The following ANK3 variants were observed in gnomAD, a reference collection of about 807,000 sequenced individuals.
ANK3 encodes ankyrin-3.
In ANK3, 57 loss-of-function variants were observed where a neutral mutation model predicts 370.9. That is an observed-to-expected ratio of 0.15 (90% CI 0.12 to 0.19). ANK3 has a LOEUF of 0.19. Ranked by LOEUF, ANK3 falls within the 10% of genes least tolerant of loss-of-function variation. ANK3 has a pLI of 1.00. For synonymous variants in ANK3, 1,929 were observed against 1,946.3 expected (o/e 0.99, Z 0.23); for missense variants, 4,439 against 5,302.1 (o/e 0.84, Z 5.06).
In ANK3 at chr10:60,477,815, T is replaced by C. The variant is rs533601144; in HGVS notation, c.96+137371A>G. Among the ~76,000 whole-genome samples the C allele has an allele frequency of 1.9e-4, 29 of 152,170 alleles. 1 individual carries two copies. Among genetic ancestry groups the C allele is most frequent in the African/African-American group, 7.0e-4 (29 of 41,546 alleles). On this transcript the variant is annotated intron_variant, in intron 2 of 43. Transcript: ENST00000373827. ...TAAAAAACATTTACCAAAAACCTAA[T>C]TGTATATCCCTGTTCTTTCCACAGT... is the stretch of plus-strand genomic sequence containing the variant.
chr10:60,646,069 G>A (rs2078705708), intron 1 of ANK3, among the ~76,000 whole-genome samples: 1 of 152,118 alleles, frequency 6.6e-6, no homozygotes, highest in Non-Finnish European at 1.5e-5. Flanking sequence ...AACTGACACT[G>A]GGTTGGGGGC....
intron 2 of ANK3, among the ~76,000 whole-genome samples, chr10:60,525,838 T>C (rs1027410801): frequency 2.0e-5 from 3 of 152,114 alleles, no homozygotes; most frequent in South Asian, 2.1e-4. Flanking sequence ...ACCTGGCAAA[T>C]GCTAATTCCT....
chr10:60,117,939 G>T (rs1167125660), intron 25 of ANK3, among the ~76,000 whole-genome samples: 3 of 152,154 alleles, frequency 2.0e-5, no homozygotes, highest in African/African-American at 7.2e-5. Context: ...TGCGGAAATG[G>T]GAGGATACGA....
At position 60,648,555 on chromosome 10, in the gene ANK3, T is replaced by C. The variant is rs539142558; in HGVS notation, c.58-33331A>G. 6.3e-4 allele frequency among the ~76,000 whole-genome samples: 91 copies of C among 145,340 alleles called. 2 individuals are homozygous for C. The Middle Eastern group carries it at 0.031, about 50-fold the overall frequency. ...GGAGGCCGACAAGGGTGGATCATGA[T>C]GTCAGGAGTTCGAGACCAGCCTGGC... On this transcript the variant is annotated intron_variant, in intron 1 of 43. Transcript: ENST00000373827.
chr10:60,628,189 T>A (rs1270202216), intron 1 of ANK3, among the ~76,000 whole-genome samples: 3 of 152,196 alleles, frequency 2.0e-5, no homozygotes, highest in African/African-American at 4.8e-5. Flanking sequence ...TTCCCTTATC[T>A]GTAAAACTAT....
intron 2 of ANK3, among the ~76,000 whole-genome samples, chr10:60,466,620 C>T (rs757163574): frequency 3.9e-5 from 6 of 152,124 alleles, no homozygotes; most frequent in Non-Finnish European, 8.8e-5. Flanking sequence ...GTATATGAAT[C>T]TTCCCAGCAG....
chr10:60,535,683 C>G (rs946111960), intron 2 of ANK3, among the ~76,000 whole-genome samples: 1 of 151,992 alleles, frequency 6.6e-6, no homozygotes, highest in Non-Finnish European at 1.5e-5. Flanking sequence ...ATTCCCCTCA[C>G]AGGGCAAATA....
intron 2 of ANK3, among the ~76,000 whole-genome samples, chr10:60,559,435 C>A (rs192592314): frequency 6.6e-6 from 1 of 152,126 alleles, no homozygotes; most frequent in African/African-American, 2.4e-5. Context: ...GCCGTGAATG[C>A]CATTATTTCA....
At chr10:60,445,632 C>T (rs2064425290) in intron 2 of ANK3, among the ~76,000 whole-genome samples, 1 of 151,842 alleles carries the variant, frequency 6.6e-6, no homozygotes, top group Non-Finnish European at 1.5e-5. Flanking sequence ...AGGTTTCACA[C>T]ATTACCAGCC....
chr10:60,185,067 T>C (rs551178804), intron 17 of ANK3, among the ~76,000 whole-genome samples: 1 of 152,254 alleles, frequency 6.6e-6, no homozygotes, highest in South Asian at 2.1e-4. Context: ...ATCTTAACTA[T>C]AATGACGATT....
chr10:60,456,534 G>A (rs898819913), intron 2 of ANK3, among the ~76,000 whole-genome samples: 2 of 152,146 alleles, frequency 1.3e-5, no homozygotes, highest in Non-Finnish European at 2.9e-5. Context: ...GAACTAACCA[G>A]CAATGACGCT....
intron 13 of ANK3, among the ~76,000 whole-genome samples, chr10:60,199,739 A>G (rs189278707): frequency 3.2e-4 from 48 of 151,824 alleles, no homozygotes; most frequent in Admixed American, 9.2e-4. Context: ...GGCTGTTGAC[A>G]GCTGACTTAT....
At chr10:60,300,616 G>T in intron 1 of ANK3, 1 of 1,074,460 alleles carries the variant, frequency 9.3e-7, no homozygotes, top group Non-Finnish European at 1.2e-6. Flanking sequence ...TGGCTCTGTG[G>T]ATTTAGTCAT....
chr10:60,226,607 C>A (rs2097167134), intron 8 of ANK3, among the ~76,000 whole-genome samples: 5 of 95,396 alleles, frequency 5.2e-5, no homozygotes, highest in African/African-American at 8.0e-5. Context: ...TATATATAAT[C>A]AAAAGCAAAA....
At chr10:60,291,856 G>A (rs1233335144) in intron 1 of ANK3, among the ~76,000 whole-genome samples, 1 of 151,998 alleles carries the variant, frequency 6.6e-6, no homozygotes, top group Non-Finnish European at 1.5e-5. Context: ...AGGTCTACAG[G>A]TACAGACCGC....
intron 24 of ANK3, chr10:60,138,432 T>C (rs961316416): frequency 2.0e-5 from 7 of 357,638 alleles, no homozygotes; most frequent in African/African-American, 1.5e-4. Flanking sequence ...TTATACTTCT[T>C]ACATGTCCCT....
chr10:60,099,644 T>C (rs559999775), intron 28 of ANK3, among the ~76,000 whole-genome samples: 9 of 152,344 alleles, frequency 5.9e-5, no homozygotes, highest in Non-Finnish European at 1.2e-4. Context: ...AATTAGTCCC[T>C]ATATGTCACT....
intron 9 of ANK3, among the ~76,000 whole-genome samples, chr10:60,212,472 T>C (rs532572816): frequency 1.3e-5 from 2 of 151,956 alleles, no homozygotes; most frequent in African/African-American, 4.8e-5. Context: ...AAAGAACAAA[T>C]AGAATCATCA....
At chr10:60,420,418 T>C (rs2063754410) in intron 2 of ANK3, among the ~76,000 whole-genome samples, 1 of 152,054 alleles carries the variant, frequency 6.6e-6, no homozygotes, top group Admixed American at 6.6e-5. Flanking sequence ...AGGAGCTTTA[T>C]GAATAAGCAT....
Sources: allele counts gnomAD v4.1 joint callset (sites outside exome capture counted in the v4.1 genomes callset), GRCh38; gene constraint gnomAD v4.1.1; transcripts MANE v1.5; gene names NCBI Gene and HGNC (gene_info 2026-07-23, HGNC 2026-07-21).